The following IPCEF1 variants were observed in gnomAD, a reference collection of about 807,000 sequenced individuals.
IPCEF1 encodes interactor protein for cytohesin exchange factors 1.
In IPCEF1, 31 loss-of-function variants were observed where a neutral mutation model predicts 50.9. The ratio of observed to expected loss-of-function variants is 0.61; its 90% CI spans 0.46 to 0.82. The LOEUF (loss-of-function observed/expected upper bound fraction) is 0.82, where lower values mean the gene tolerates loss of function less well. Ranked by LOEUF, IPCEF1 falls within the 40% of genes least tolerant of loss-of-function variation. The pLI is 0.00. For missense variants in IPCEF1, 458 were observed against 514.0 expected (o/e 0.89, Z 1.05); for synonymous variants, 181 against 192.0 (o/e 0.94, Z 0.47).
intron 5 of IPCEF1, among the ~76,000 whole-genome samples, chr6:154,244,611 CT>C (rs1339943978): frequency 1.3e-5 from 2 of 152,120 alleles, no homozygotes; most frequent in Non-Finnish European, 2.9e-5. Flanking sequence ...ACTGCTGCTC[CT>C]TGTGGAAGCA....
chr6:154,351,018 C>A (rs1784111048), intron 1 of IPCEF1, among the ~76,000 whole-genome samples: 1 of 152,202 alleles, frequency 6.6e-6, no homozygotes, highest in South Asian at 2.1e-4. Context: ...CCCCACCTGG[C>A]CTGGTTTGGT....
intron 5 of IPCEF1, among the ~76,000 whole-genome samples, chr6:154,245,992 C>G (rs1387977827): frequency 6.6e-6 from 1 of 152,202 alleles, no homozygotes; most frequent in Admixed American, 6.5e-5. Context: ...CAAATGTTGT[C>G]TAAGCACGAC....
chr6:154,262,840 A>T (rs9397185), intron 3 of IPCEF1, among the ~76,000 whole-genome samples: 1 of 147,908 alleles, frequency 6.8e-6, no homozygotes, highest in Non-Finnish European at 1.5e-5. Context: ...GCAGTGATGC[A>T]ATCTCAGCTC....
intron 1 of IPCEF1, among the ~76,000 whole-genome samples, chr6:154,347,517 A>G (rs139478018): frequency 1.4e-3 from 211 of 152,340 alleles, no homozygotes; most frequent in African/African-American, 4.9e-3. Context: ...AGGACAGTAC[A>G]TGTTACCTCC....
chr6:154,295,197 CA>C (rs112352662), intron 1 of IPCEF1, among the ~76,000 whole-genome samples: 86 of 144,268 alleles, frequency 6.0e-4, no homozygotes, highest in East Asian at 4.4e-3. Context: ...GACACCATCT[CA>C]AAAAAAAAAA....
intron 3 of IPCEF1, among the ~76,000 whole-genome samples, chr6:154,254,154 A>T (rs1429575691): frequency 1.3e-5 from 2 of 152,174 alleles, no homozygotes; most frequent in African/African-American, 4.8e-5. Flanking sequence ...AGAACATATG[A>T]TCTTTATGAT....
chr6:154,248,223 C>T (rs959724700), intron 3 of IPCEF1, among the ~76,000 whole-genome samples: 2 of 151,960 alleles, frequency 1.3e-5, no homozygotes, highest in African/African-American at 2.4e-5. Context: ...ATGAAATATA[C>T]ATTTTTTCCA....
chr6:154,319,080 A>G (rs1166040320), intron 1 of IPCEF1, among the ~76,000 whole-genome samples: 1 of 152,210 alleles, frequency 6.6e-6, no homozygotes, highest in Non-Finnish European at 1.5e-5. Context: ...AATTCTTGTC[A>G]TATTATTCTT....
intron 2 of IPCEF1, among the ~76,000 whole-genome samples, chr6:154,273,702 T>TTTTCC (rs1562574949): frequency 1.8e-5 from 1 of 55,480 alleles, no homozygotes; most frequent in African/African-American, 1.0e-4. Context: ...GCTTTTTTCT[T>TTTTCC]TTTTTCTTTC....
At chr6:154,322,726 A>G (rs910444391) in intron 1 of IPCEF1, among the ~76,000 whole-genome samples, 1 of 151,776 alleles carries the variant, frequency 6.6e-6, no homozygotes, top group Non-Finnish European at 1.5e-5. Flanking sequence ...AATTCCAGCT[A>G]CTCAGGAGGC....
At chr6:154,263,997 G>A (rs1172930396) in intron 3 of IPCEF1, among the ~76,000 whole-genome samples, 4 of 84,912 alleles carry the variant, frequency 4.7e-5, no homozygotes, top group African/African-American at 5.5e-5. Flanking sequence ...TGGCCGGGCG[G>A]GGGGCTGACC....
Position 154,198,550 on chromosome 6 carries a change from G to C in IPCEF1, c.910+1118C>G, listed in dbSNP as rs1776808756. On this transcript the variant is annotated intron_variant, in intron 10 of 11. Transcript: ENST00000367220. ...TAAAGCATCTTTAGGTAAGGCCTCA[G>C]AGAGTGGTGACAACTGTTATAACTT... is the stretch of plus-strand genomic sequence containing the variant. Among the ~76,000 whole-genome samples the C allele has an allele frequency of 2.6e-5, 4 of 152,160 alleles. No homozygotes were observed. The South Asian group carries it at 8.3e-4, about 32-fold the overall frequency.
intron 3 of IPCEF1, among the ~76,000 whole-genome samples, chr6:154,261,219 TCTCC>T (rs1314782349): frequency 6.6e-6 from 1 of 151,722 alleles, no homozygotes; most frequent in Non-Finnish European, 1.5e-5. Flanking sequence ...AAAGATGGGG[TCTCC>T]CTATGTTGCC....
intron 10 of IPCEF1, among the ~76,000 whole-genome samples, chr6:154,181,994 T>C (rs373234733): frequency 6.6e-6 from 1 of 152,196 alleles, no homozygotes; most frequent in Non-Finnish European, 1.5e-5. Flanking sequence ...TTTTAAAAGA[T>C]GGCAGGTTTG....
At chr6:154,264,206 A>G (rs899078934) in intron 3 of IPCEF1, among the ~76,000 whole-genome samples, 3 of 151,896 alleles carry the variant, frequency 2.0e-5, no homozygotes, top group African/African-American at 7.3e-5. Context: ...CAAGCTTTAC[A>G]TGGCAAATAT....
intron 1 of IPCEF1, among the ~76,000 whole-genome samples, chr6:154,340,798 T>C (rs1562295944): frequency 6.6e-6 from 1 of 150,538 alleles, no homozygotes. Context: ...GGCAGGAGAA[T>C]CGCTTGAACC....
intron 11 of IPCEF1, among the ~76,000 whole-genome samples, chr6:154,160,382 G>C (rs150296141): frequency 2.0e-5 from 3 of 152,188 alleles, no homozygotes; most frequent in Middle Eastern, 3.4e-3. Context: ...TACCATTGTA[G>C]GTATTAGCAT....
chr6:154,192,992 A>G (rs1054363466), intron 10 of IPCEF1, among the ~76,000 whole-genome samples: 3 of 152,176 alleles, frequency 2.0e-5, no homozygotes, highest in Non-Finnish European at 4.4e-5. Context: ...CAGAACTACA[A>G]TTTGATCCAG....
At chr6:154,266,983 C>A (rs1221477631) in intron 2 of IPCEF1, among the ~76,000 whole-genome samples, 1 of 152,070 alleles carries the variant, frequency 6.6e-6, no homozygotes, top group East Asian at 1.9e-4. Flanking sequence ...TTTCTTACAC[C>A]AGTGGAGGTC....
Sources: allele counts gnomAD v4.1 joint callset (sites outside exome capture counted in the v4.1 genomes callset), GRCh38; gene constraint gnomAD v4.1.1; transcripts MANE v1.5; gene names NCBI Gene and HGNC (gene_info 2026-07-23, HGNC 2026-07-21).